ZNF317: variants seen among roughly 807,000 people sequenced by gnomAD.
ZNF317 encodes the protein zinc finger protein 317, also known as KRAB-containing zinc finger protein 317.
ZNF317 carries 17 observed loss-of-function variants against 23.4 expected under a neutral mutation model. That is an observed-to-expected ratio of 0.73 (90% CI 0.50 to 1.09). The LOEUF (loss-of-function observed/expected upper bound fraction) is 1.09, where lower values mean the gene tolerates loss of function less well. Ranked by LOEUF, ZNF317 falls within the 50% of genes least tolerant of loss-of-function variation. The probability of loss-of-function intolerance (pLI) is 0.00; values close to 1 mark genes in which losing one functional copy is unlikely to be tolerated. For missense variants in ZNF317, 679 were observed against 796.7 expected (o/e 0.85, Z 1.78); for synonymous variants, 317 against 314.9 (o/e 1.01, Z -0.07).
intron 1 of ZNF317, among the ~76,000 whole-genome samples, chr19:9,145,943 C>T (rs2145941267): frequency 6.6e-6 from 1 of 152,058 alleles, no homozygotes; most frequent in African/African-American, 2.4e-5. Context: ...TTAAAGTGTT[C>T]CAGGGGACGC....
rs749325269 is a variant in ZNF317, at chr19:9,160,289, T to C, written c.644T>C (p.Met215Thr). Reference sequence around the variant, plus strand: ...CCGCACCTCACTCAGCACATGAGCATGTACGACGGGAGAAAAATGCATGAA... The same window carrying C: ...CCGCACCTCACTCAGCACATGAGCACGTACGACGGGAGAAAAATGCATGAA... Reference protein sequence around the residue: ...GRPHLTQHMSMYDGRKMHECH... With the variant: ...GRPHLTQHMSTYDGRKMHECH... The change falls in exon 7 of 7, where the codon ATG (methionine) becomes ACG (threonine). Residue 215 changes from methionine (M) to threonine (T), a missense_variant. By Grantham distance (81) the Met-to-Thr change is moderately conservative. Coordinates refer to ENST00000247956, the MANE Select transcript of ZNF317 (RefSeq NM_020933.5). This position sits in a 1 kb window ranked among gnomAD's most constrained non-coding sequence, Gnocchi z 6.8. 11 of 1,614,176 alleles carry C rather than the reference T, an allele frequency of 6.8e-6. No individual in the cohort carries two copies. Among genetic ancestry groups the C allele is most frequent in the East Asian group, 4.5e-5 (2 of 44,874 alleles).
chr19:9,155,946 T>C lies in ZNF317; in HGVS notation c.-71T>C. On this transcript the variant is annotated 5_prime_UTR_variant, in exon 2 of 7. The change abolishes the stop of an existing upstream ORF in the 5' untranslated region. Coordinates refer to ENST00000247956, the MANE Select transcript of ZNF317 (RefSeq NM_020933.5). ...ACAGATGCCAGCTTGGAGAGTCACG[T>C]GAGAGCAAGAGAGTAGCTTTCTGGT... 1 of 1,592,592 alleles carries C rather than the reference T, an allele frequency of 6.3e-7. No homozygotes were observed. The highest frequency in any genetic ancestry group is 8.6e-7 in the Non-Finnish European group (1 of 1,160,464).
intron 1 of ZNF317, among the ~76,000 whole-genome samples, chr19:9,147,330 GTTTT>G (rs35259257): frequency 0.016 from 1,744 of 109,912 alleles, 18 homozygotes; most frequent in African/African-American, 0.064. Flanking sequence ...AATGACACTG[GTTTT>G]TTTTTTTTTT....
Position 9,158,835 on chromosome 19 carries a change from C to G in ZNF317, c.395C>G (p.Thr132Ser). The change falls in exon 6 of 7, where the codon ACT (threonine) becomes AGT (serine). Residue 132 changes from threonine (T) to serine (S), a missense_variant. By Grantham distance (58) the Thr-to-Ser change is moderately conservative. Transcript: ENST00000247956. ...TTCCAATTTGTTTCAGATTGGGAGA[C>G]TCCATCTAAAACCAAGTGGTCACTT... ...AHQGACADWE[T>S]PSKTKWSLLM... 1 of 1,607,234 alleles carries G rather than the reference C, an allele frequency of 6.2e-7. No individual in the cohort carries two copies. Among genetic ancestry groups the G allele is most frequent in the Non-Finnish European group, 8.5e-7 (1 of 1,173,662 alleles).
chr19:9,145,366 A>G (rs1297027204), intron 1 of ZNF317, among the ~76,000 whole-genome samples: 1 of 152,124 alleles, frequency 6.6e-6, no homozygotes, highest in African/African-American at 2.4e-5. Flanking sequence ...CAAGTGATCC[A>G]CCTGCCTTGG....
In ZNF317 at chr19:9,158,894, A is replaced by G; in HGVS notation, c.454A>G (p.Ser152Gly). 6.2e-7 allele frequency: 1 copy of G among 1,611,226 alleles called. No individual in the cohort carries two copies. Among genetic ancestry groups the G allele is most frequent in the Non-Finnish European group, 8.5e-7 (1 of 1,177,386 alleles). The change falls in exon 6 of 7, where the codon AGT becomes GGT. Residue 152 changes from serine (S) to glycine (G), a missense_variant. Physicochemically the swap from Ser to Gly is moderately conservative, Grantham distance 56 (BLOSUM62 0). Coordinates refer to ENST00000247956, the MANE Select transcript of ZNF317 (RefSeq NM_020933.5). ...MEDIFGKETP[S>G]GVTMERAGLG... is the part of the protein sequence containing the mutation. ...AGATATTTTTGGGAAGGAAACGCCCAGTGGTGTGACGATGGTAAGATTTCC... is the reference window on the plus strand; with the variant it reads ...AGATATTTTTGGGAAGGAAACGCCCGGTGGTGTGACGATGGTAAGATTTCC...
chr19:9,143,010 A>C (rs992248414), intron 1 of ZNF317, among the ~76,000 whole-genome samples: 3 of 152,182 alleles, frequency 2.0e-5, no homozygotes, highest in Non-Finnish European at 4.4e-5. Flanking sequence ...GTACCTGGAA[A>C]AACCATTTGG....
Position 9,157,368 on chromosome 19 carries a change from A to G in ZNF317, c.263A>G (p.Glu88Gly). The G allele has an allele frequency of 6.2e-7, 1 of 1,614,038 alleles. No individual in the cohort carries two copies. The highest frequency in any genetic ancestry group is 8.5e-7 in the Non-Finnish European group (1 of 1,179,998). ...QRKLYKDVMLENYSNLTSLGY... is the reference protein window; with the variant it reads ...QRKLYKDVMLGNYSNLTSLGY... ...AAACTGTACAAAGATGTAATGCTGG[A>G]GAACTACAGCAACCTCACTTCACTG... The change falls in exon 4 of 7, where the codon GAG (glutamate) becomes GGG (glycine). Residue 88 changes from glutamate to glycine, a missense_variant. Transcript: ENST00000247956.
At chr19:9,146,981 ATCT>A (rs955080284) in intron 1 of ZNF317, among the ~76,000 whole-genome samples, 1 of 152,156 alleles carries the variant, frequency 6.6e-6, no homozygotes, top group Admixed American at 6.5e-5. Flanking sequence ...GAGGAGGCAG[ATCT>A]TCTAAAACTG....
chr19:9,140,454 G>C lies in ZNF317; in HGVS notation c.-231G>C, dbSNP rs747832133. The C allele has an allele frequency of 2.2e-6, 1 of 455,680 alleles. No individual in the cohort carries two copies. Among genetic ancestry groups the C allele is most frequent in the Admixed American group, 2.4e-5 (1 of 42,452 alleles). The allele number at this position is 455,680 out of a possible 1,614,324, so 28.2% of individuals were successfully genotyped here. On this transcript the variant is annotated 5_prime_UTR_variant, in exon 1 of 7. Transcript: ENST00000247956. ...ATTGCCCCGAGACACATGGGCCAAG[G>C]AGGGGTCAGCGGCGAATTCTTTCGG...
At chr19:9,157,767 A>G (rs1442952604) in intron 4 of ZNF317, 4 of 1,312,618 alleles carry the variant, frequency 3.0e-6, no homozygotes, top group Non-Finnish European at 3.9e-6. Context: ...GGCTACAGGC[A>G]CGAGCCACCA....
chr19:9,161,193 G>T lies in ZNF317; in HGVS notation c.1548G>T (p.Thr516=). Residue 516 remains threonine (T), a synonymous_variant, in exon 7 of 7, where the codon ACG becomes ACT. Coordinates refer to ENST00000247956, the MANE Select transcript of ZNF317 (RefSeq NM_020933.5). This position sits in a 1 kb window ranked among gnomAD's most constrained non-coding sequence, Gnocchi z 4.0. Reference sequence around the variant, plus strand: ...GCAAGGCCTTCAGGAACCAGTCAACGCTGAAGACGCACATGCGAAGCCACA... The same window carrying T: ...GCAAGGCCTTCAGGAACCAGTCAACTCTGAAGACGCACATGCGAAGCCACA... ...QCGKAFRNQS[T]LKTHMRSHTG... 1 of 1,613,810 alleles carries T rather than the reference G, an allele frequency of 6.2e-7. No individual in the cohort carries two copies. Among genetic ancestry groups the T allele is most frequent in the Non-Finnish European group, 8.5e-7 (1 of 1,179,924 alleles).
At chr19:9,156,896 C>T (rs1568314204) in intron 3 of ZNF317, 148 bp downstream of exon 3, 2 of 1,018,868 alleles carry the variant, frequency 2.0e-6, no homozygotes, top group East Asian at 5.1e-5. Flanking sequence ...TTGGGGCTGT[C>T]CTGGTGTTGG....
rs2050617704 is a variant in ZNF317 at position 9,140,471 on chromosome 19, T to C, written c.-214T>C. The C allele has an allele frequency of 2.2e-6, 1 of 456,134 alleles. No individual in the cohort carries two copies. Among genetic ancestry groups the C allele is most frequent in the Non-Finnish European group, 4.4e-6 (1 of 226,780 alleles). 28.3% of individuals were successfully genotyped at this position (456,134 alleles called of 1,614,324 possible). ...GGGCCAAGGAGGGGTCAGCGGCGAATTCTTTCGGCCTGTTGGGGACCCCTC... is the reference window on the plus strand; with the variant it reads ...GGGCCAAGGAGGGGTCAGCGGCGAACTCTTTCGGCCTGTTGGGGACCCCTC... On this transcript the variant is annotated 5_prime_UTR_variant, in exon 1 of 7. Coordinates refer to ENST00000247956, the MANE Select transcript of ZNF317 (RefSeq NM_020933.5).
intron 1 of ZNF317, among the ~76,000 whole-genome samples, chr19:9,150,639 G>C (rs2050728435): frequency 6.6e-6 from 1 of 152,190 alleles, no homozygotes; most frequent in African/African-American, 2.4e-5. Flanking sequence ...GTCTTCAAAA[G>C]AGCAACCAGA....
At chr19:9,157,212 C>A (rs2050793259) in intron 3 of ZNF317, 56 bp from the exon 4 acceptor site, 2 of 1,595,730 alleles carry the variant, frequency 1.3e-6, no homozygotes, top group Middle Eastern at 2.0e-4. Context: ...AGCCATCTTA[C>A]CATGAACATC....
At chr19:9,156,130 G>C in intron 2 of ZNF317, 89 bp downstream of exon 2, 1 of 1,527,732 alleles carries the variant, frequency 6.5e-7, no homozygotes, top group Non-Finnish European at 9.1e-7. Context: ...ACACCATAGA[G>C]GGCTGCTGGG....
intron 5 of ZNF317, 104 bp from the exon 6 acceptor site, chr19:9,158,722 T>C: frequency 1.3e-6 from 1 of 764,742 alleles, no homozygotes; most frequent in South Asian, 1.6e-5. Flanking sequence ...GCACCACTTT[T>C]CCTTACATAG....
In ZNF317 at chr19:9,143,273, C is replaced by A. The variant is rs74419091; in HGVS notation, c.-93+2681C>A. Among the ~76,000 whole-genome samples the A allele has an allele frequency of 7.8e-3, 1,181 of 152,118 alleles. 15 individuals carry two copies. The highest frequency in any genetic ancestry group is 0.027 in the African/African-American group (1,131 of 41,518). ...ATGTTGCTTTTTACAAAAATAAATT[C>A]CATCAGAATGTTGTCAGTTTTCTTC... On this transcript the variant is annotated intron_variant, in intron 1 of 6. Transcript: ENST00000247956.
Sources: gnomAD v4.1 joint callset for allele counts (sites outside exome capture counted in the v4.1 genomes callset) on GRCh38, gnomAD v4.1.1 for gene constraint, Gnocchi (gnomAD v3.1) non-coding constraint, MANE v1.5 for transcripts, NCBI Gene and HGNC (gene_info 2026-07-23, HGNC 2026-07-21) for gene names.